The following EFCAB13 variants were observed in gnomAD, a reference collection of about 807,000 sequenced individuals.
EFCAB13 encodes EF-hand calcium-binding domain-containing protein 13.
A neutral mutation model predicts 110.2 loss-of-function variants in EFCAB13; 91 were observed. The observed-to-expected ratio is 0.83, with a 90% CI of 0.70 to 0.98. The LOEUF is 0.98. EFCAB13 is among the 50% of genes least tolerant of loss of function. The probability of loss-of-function intolerance (pLI) is 0.00; values close to 1 mark genes in which losing one functional copy is unlikely to be tolerated. For synonymous variants in EFCAB13, 323 were observed against 369.9 expected, an observed-to-expected ratio of 0.87 and a Z score of 1.45; for missense variants, 968 against 1,119.4, an observed-to-expected ratio of 0.86 and a Z score of 1.93.
chr17:47,389,158 A>T (rs138010527), intron 14 of EFCAB13, among the ~76,000 whole-genome samples: 51 of 152,184 alleles, frequency 3.4e-4, no homozygotes, highest in African/African-American at 1.1e-3. Flanking sequence ...TCAGCTTCCC[A>T]AGTAGCTGGG....
At chr17:47,433,331 A>T (rs1370210928) in intron 24 of EFCAB13, among the ~76,000 whole-genome samples, 2 of 152,154 alleles carry the variant, frequency 1.3e-5, no homozygotes, top group Admixed American at 1.3e-4. Flanking sequence ...GATCACTTGA[A>T]GTGGTGTCTG....
intron 23 of EFCAB13, among the ~76,000 whole-genome samples, chr17:47,425,473 T>G (rs570840986): frequency 6.6e-6 from 1 of 152,348 alleles, no homozygotes; most frequent in South Asian, 2.1e-4. Flanking sequence ...GAAGGTGCTG[T>G]AGGCAGCTAC....
At chr17:47,413,195 A>G (rs1411237003) in intron 22 of EFCAB13, among the ~76,000 whole-genome samples, 1 of 152,208 alleles carries the variant, frequency 6.6e-6, no homozygotes, top group Non-Finnish European at 1.5e-5. Flanking sequence ...AAAACATGAC[A>G]ACAGCAGCTT....
intron 6 of EFCAB13, among the ~76,000 whole-genome samples, chr17:47,342,686 A>G (rs2065392577): frequency 6.6e-6 from 1 of 152,020 alleles, no homozygotes; most frequent in Non-Finnish European, 1.5e-5. Context: ...AAATTCTAAT[A>G]TGTTATCTTT....
intron 9 of EFCAB13, among the ~76,000 whole-genome samples, chr17:47,351,317 G>GCGCGCA (rs1555578793): frequency 3.6e-4 from 41 of 113,984 alleles, no homozygotes; most frequent in Non-Finnish European, 3.9e-4. Context: ...GCGCGCGCGC[G>GCGCGCA]CGCGCGCGCG....
chr17:47,400,611 C>T (rs1567799746), intron 17 of EFCAB13, among the ~76,000 whole-genome samples: 2 of 151,634 alleles, frequency 1.3e-5, no homozygotes, highest in African/African-American at 4.8e-5. Context: ...GCCTCTCTCC[C>T]TCCCTTCCCT....
In EFCAB13 at chr17:47,397,686, C is replaced by T. The variant is rs369941413; in HGVS notation, c.1945+1709C>T. On this transcript the variant is annotated intron_variant, in intron 17 of 24. Transcript: ENST00000331493. Reference sequence around the variant, plus strand: ...GCCGCCCCGCCTGGGATGTGAGGAGCGCCTCTACCCGGCCGCGACCCCATC... The same window carrying T: ...GCCGCCCCGCCTGGGATGTGAGGAGTGCCTCTACCCGGCCGCGACCCCATC... Among the ~76,000 whole-genome samples the T allele has an allele frequency of 1.4e-4, 21 of 149,660 alleles. 1 individual carries two copies. The East Asian group carries it at 1.6e-3, about 11-fold the overall frequency.
intron 23 of EFCAB13, among the ~76,000 whole-genome samples, chr17:47,424,896 T>TTTTTTTTTGTTTTTTTTTG (rs1567807243): frequency 5.9e-5 from 5 of 84,508 alleles, no homozygotes; most frequent in African/African-American, 3.0e-4. Context: ...TTTTTTTTTT[T>TTTTTTTTTGTTTTTTTTTG]TTTTGAGACG....
intron 24 of EFCAB13, among the ~76,000 whole-genome samples, chr17:47,432,168 G>A (rs942714488): frequency 7.2e-5 from 11 of 152,076 alleles, no homozygotes; most frequent in African/African-American, 2.7e-4. Context: ...TTGGGAGGCC[G>A]AGGCAGGTGG....
intron 24 of EFCAB13, among the ~76,000 whole-genome samples, chr17:47,437,632 C>T (rs144462415): frequency 2.6e-5 from 4 of 152,180 alleles, no homozygotes; most frequent in African/African-American, 9.6e-5. Flanking sequence ...CACCCCTTTA[C>T]TTTAAGTTTA....
chr17:47,375,031 A>G, intron 12 of EFCAB13, 65 bp downstream of exon 12: 1 of 1,466,670 alleles, frequency 6.8e-7, no homozygotes, highest in Non-Finnish European at 9.0e-7. Flanking sequence ...TGAATCAATT[A>G]TTAGATAGTT....
chr17:47,325,019 A>G (rs1194495068), intron 2 of EFCAB13, among the ~76,000 whole-genome samples: 1 of 40,576 alleles, frequency 2.5e-5, no homozygotes, highest in Non-Finnish European at 5.4e-5. Context: ...TTAACCGCCC[A>G]CCCCACCCCC....
chr17:47,414,847 G>C lies in EFCAB13; in HGVS notation c.2423-1G>C. On this transcript the variant is annotated splice_acceptor_variant, in intron 22 of 24. Transcript: ENST00000331493. LOFTEE classifies it high-confidence loss of function. ...CAGCATTTTTTACTTTGACCTTCCAGATAATATGGAGGTGGATTTAAAAGA... is the reference window on the plus strand; with the variant it reads ...CAGCATTTTTTACTTTGACCTTCCACATAATATGGAGGTGGATTTAAAAGA... 6.3e-7 allele frequency: 1 copy of C among 1,595,534 alleles called. No individual in the cohort carries two copies. Among genetic ancestry groups the C allele is most frequent in the Non-Finnish European group, 8.6e-7 (1 of 1,167,486 alleles).
At chr17:47,417,947 T>C (rs1177646912) in intron 23 of EFCAB13, among the ~76,000 whole-genome samples, 2 of 152,196 alleles carry the variant, frequency 1.3e-5, no homozygotes, top group African/African-American at 2.4e-5. Flanking sequence ...GAGGCTGATA[T>C]CATATTTGGA....
chr17:47,424,914 G>A (rs1403940296), intron 23 of EFCAB13, among the ~76,000 whole-genome samples: 2 of 31,714 alleles, frequency 6.3e-5, no homozygotes, highest in African/African-American at 1.6e-4. Flanking sequence ...ACGGAGTCTC[G>A]CTCTGTCGCC....
At chr17:47,335,691 C>T (rs1470017992) in intron 5 of EFCAB13, among the ~76,000 whole-genome samples, 1 of 152,116 alleles carries the variant, frequency 6.6e-6, no homozygotes, top group Non-Finnish European at 1.5e-5. Flanking sequence ...CTGGGGAAGC[C>T]TCAGGAAACT....
In EFCAB13 at chr17:47,328,397, A is replaced by G. The variant is rs372543538; in HGVS notation, c.30+14A>G. ...TTATTCTGCCAGGTATTTATTTAAA[A>G]CAGTTTCTAAAGATTTCTTCTTTCT... On this transcript the variant is annotated intron_variant, in intron 4 of 24. Transcript: ENST00000331493. The G allele has an allele frequency of 1.0e-5, 16 of 1,553,468 alleles. No individual in the cohort carries two copies. In the African/African-American group the frequency reaches 2.2e-4, roughly 22 times the overall value.
chr17:47,348,568 T>C (rs1405362352), intron 9 of EFCAB13, among the ~76,000 whole-genome samples: 3 of 152,140 alleles, frequency 2.0e-5, no homozygotes, highest in African/African-American at 4.8e-5. Context: ...CATATTGTTG[T>C]ATACTGCTTT....
At chr17:47,325,943 TATATATATATATATATATAG>T (rs1440703667) in intron 2 of EFCAB13, among the ~76,000 whole-genome samples, 3 of 103,248 alleles carry the variant, frequency 2.9e-5, no homozygotes, top group South Asian at 6.1e-4. Flanking sequence ...TATATATATA[TATATATATATATATATATAG>T]CATATATATA....
Sources: gnomAD v4.1 joint callset for allele counts (sites outside exome capture counted in the v4.1 genomes callset) on GRCh38, gnomAD v4.1.1 for gene constraint, MANE v1.5 for transcripts, NCBI Gene and HGNC (gene_info 2026-07-23, HGNC 2026-07-21) for gene names.